MUC4: variants seen among roughly 807,000 people sequenced by gnomAD.
MUC4 encodes mucin-4.
A neutral mutation model predicts 257.9 loss-of-function variants in MUC4; 202 were observed. That is an observed-to-expected ratio of 0.78 (90% CI 0.70 to 0.88). The LOEUF is 0.88. Ranked by LOEUF, MUC4 falls within the 40% of genes least tolerant of loss-of-function variation. The pLI is 0.00. For synonymous variants in MUC4, 2,351 were observed against 2,757.1 expected, an observed-to-expected ratio of 0.85 and a Z score of 4.62; for missense variants, 5,976 against 6,513.7, an observed-to-expected ratio of 0.92 and a Z score of 2.84.
chr3:195,748,209 A>G (rs775383973), intron 24 of MUC4, among the ~76,000 whole-genome samples: 1 of 152,264 alleles, frequency 6.6e-6, no homozygotes, highest in Non-Finnish European at 1.5e-5. Flanking sequence ...TAGACACAGG[A>G]CTGCAGGTTC....
intron 8 of MUC4, among the ~76,000 whole-genome samples, chr3:195,766,094 G>A (rs147884306): frequency 6.2e-4 from 95 of 152,206 alleles, no homozygotes; most frequent in African/African-American, 2.1e-3. Context: ...TTGAGTAGCT[G>A]GAATTACAGG....
At chr3:195,778,253 T>C (rs1178631119) in intron 3 of MUC4, 50 bp downstream of exon 3, 1 of 1,530,798 alleles carries the variant, frequency 6.5e-7, no homozygotes, top group Admixed American at 2.1e-5. Context: ...GAGGGAGCCT[T>C]CAGTTACATC....
At chr3:195,769,242 T>C (rs1314710712) in intron 6 of MUC4, 90 bp from the exon 7 acceptor site, 31 of 1,528,412 alleles carry the variant, frequency 2.0e-5, no homozygotes, top group Non-Finnish European at 2.7e-5. Context: ...ACAGCCCTGC[T>C]CTGACACGCA....
intron 4 of MUC4, 27 bp from the exon 5 acceptor site, chr3:195,771,843 A>C (rs754086228): frequency 2.5e-6 from 4 of 1,607,642 alleles, no homozygotes; most frequent in South Asian, 2.2e-5. Flanking sequence ...TGTGGTCAGC[A>C]TTCAGGGAGG....
chr3:195,762,280 G>A, intron 13 of MUC4, 26 bp from the exon 14 acceptor site: 3 of 1,553,406 alleles, frequency 1.9e-6, no homozygotes, highest in Non-Finnish European at 2.6e-6. Context: ...GCAGCGGAGA[G>A]GAAGCCAGGT....
intron 1 of MUC4, among the ~76,000 whole-genome samples, chr3:195,808,365 G>A (rs1223444934): frequency 1.3e-5 from 2 of 151,978 alleles, no homozygotes; most frequent in Admixed American, 6.6e-5. Context: ...ACAGGCGCTC[G>A]CCACCACGCC....
Position 195,779,257 on chromosome 3 carries a change from C to A in MUC4, c.12323G>T (p.Gly4108Val). 7.3e-7 allele frequency: 1 copy of A among 1,365,278 alleles called. No homozygotes were observed. The highest frequency in any genetic ancestry group is 9.7e-7 in the Non-Finnish European group (1 of 1,025,688). The allele number at this position is 1,365,278 out of a possible 1,614,324, so 84.6% of individuals were successfully genotyped here. A position where few individuals can be genotyped will look rare whatever the true frequency, so the allele number is the denominator to read the frequency against. ...PLTSLSSVST[G>V]DTTPLPVTDT... ...GGTGACAGGAAGAGGCGTGGTGTCA[C>A]CTGTGGATACTGAGGAAAGGCTGGT... is the stretch of plus-strand genomic sequence containing the variant. Residue 4108 changes from glycine to valine, a missense_variant, in exon 2 of 25, where the codon GGT (glycine) becomes GTT (valine). Gly to Val is a moderately radical substitution (Grantham distance 109, BLOSUM62 -3). Around this residue, in one of 44 missense-constraint regions of MUC4, gnomAD observed 293 missense variants for 294.5 expected, o/e 1.00. Transcript: ENST00000463781.
intron 17 of MUC4, among the ~76,000 whole-genome samples, chr3:195,758,184 G>A (rs1204394571): frequency 6.6e-6 from 1 of 152,166 alleles, no homozygotes; most frequent in Non-Finnish European, 1.5e-5. Flanking sequence ...TGGACCCTTT[G>A]AATTAGTGCT....
Position 195,784,458 on chromosome 3 carries a change from A to C in MUC4, c.7122T>G (p.Ser2374=). 1 of 1,379,610 alleles carries C rather than the reference A, an allele frequency of 7.2e-7. No homozygotes were observed. The highest frequency in any genetic ancestry group is 1.6e-5 in the African/African-American group (1 of 63,646). 85.5% of individuals were successfully genotyped at this position (1,379,610 alleles called of 1,614,324 possible). A position where few individuals can be genotyped will look rare whatever the true frequency, so the allele number is the denominator to read the frequency against. The change falls in exon 2 of 25, where the codon TCT becomes TCG. Residue 2374 remains serine, a synonymous_variant. Transcript: ENST00000463781. ...GDTTPLPVTS[S]SSASSGHTTP... ...TGGTGTGACCTGAGGATGCTGAGGA[A>C]GAGCTGGTGACAGGAAGAGGGGTGG...
At position 195,781,049 on chromosome 3, in the gene MUC4, A is replaced by C. The variant is rs768675236; in HGVS notation, c.10531T>G (p.Ser3511Ala). 3 of 1,503,454 alleles carry C rather than the reference A, an allele frequency of 2.0e-6. No individual in the cohort carries two copies. Among genetic ancestry groups the C allele is most frequent in the South Asian group, 2.4e-5 (2 of 82,248 alleles). The allele number at this position is 1,503,454 out of a possible 1,614,324, so 93.1% of individuals were successfully genotyped here. A position where few individuals can be genotyped will look rare whatever the true frequency, so the allele number is the denominator to read the frequency against. ...GTGGCGTGACCGGTGGATGCTGAGGAAGCGCCGGTGACAGGAAGAGTGCTG... is the reference window on the plus strand; with the variant it reads ...GTGGCGTGACCGGTGGATGCTGAGGCAGCGCCGGTGACAGGAAGAGTGCTG... ...DTSTLPVTGA[S>A]SASTGHATPL... The change falls in exon 2 of 25, where the codon TCC becomes GCC. Residue 3511 changes from serine (S) to alanine (A), a missense_variant. This residue lies in a region of MUC4 where 297 missense variants were observed against 240.9 expected (regional missense o/e 1.23). Transcript: ENST00000463781.
At chr3:195,807,538 C>T (rs1028025663) in intron 1 of MUC4, among the ~76,000 whole-genome samples, 1 of 152,088 alleles carries the variant, frequency 6.6e-6, no homozygotes, top group Non-Finnish European at 1.5e-5. Context: ...ATGAAGAAAT[C>T]GTCGATGAGG....
At chr3:195,758,705 G>C (rs1405061988) in intron 17 of MUC4, among the ~76,000 whole-genome samples, 1 of 150,470 alleles carries the variant, frequency 6.6e-6, no homozygotes, top group Non-Finnish European at 1.5e-5. Context: ...TGGGATTACA[G>C]GCATGCACCA....
chr3:195,794,830 A>G (rs55871929), intron 1 of MUC4, among the ~76,000 whole-genome samples: 30,068 of 152,140 alleles, frequency 0.2, 3,486 homozygotes, highest in African/African-American at 0.32. Context: ...AATGGTTATG[A>G]ACCAGCTCTA....
intron 1 of MUC4, among the ~76,000 whole-genome samples, chr3:195,802,620 G>A (rs1365318571): frequency 2.0e-5 from 3 of 152,180 alleles, no homozygotes; most frequent in Admixed American, 2.0e-4. Context: ...ACTGGTGACT[G>A]GCATTGCCAT....
rs1736538059 is a variant in MUC4, at chr3:195,810,302, A to G, written c.82+1434T>C. ...CTCCTCAAATATGCGCCCAAGAAAT[A>G]TTTTCCCTCGGCGACTGTTCTTAGC... On this transcript the variant is annotated intron_variant, in intron 1 of 24. Coordinates refer to ENST00000463781, the MANE Select transcript of MUC4 (RefSeq NM_018406.7). The surrounding 1 kb of genome is among the most constrained non-coding windows in gnomAD (Gnocchi z 4.2). 1 of 151,878 alleles carries G rather than the reference A, an allele frequency of 6.6e-6. No individual in the cohort carries two copies. The highest frequency in any genetic ancestry group is 1.5e-5 in the Non-Finnish European group (1 of 68,020). The allele number at this position is 151,878 out of a possible 1,614,324, so 9.4% of individuals were successfully genotyped here.
intron 7 of MUC4, 32 bp from the exon 8 acceptor site, chr3:195,766,783 C>G: frequency 6.3e-7 from 1 of 1,598,384 alleles, no homozygotes; most frequent in Non-Finnish European, 8.6e-7. Context: ...CAGGCCTCTG[C>G]CGTGCACAGG....
At chr3:195,811,431 C>T (rs1417697248) in intron 1 of MUC4, among the ~76,000 whole-genome samples, 3 of 152,120 alleles carry the variant, frequency 2.0e-5, no homozygotes, top group East Asian at 1.9e-4. Flanking sequence ...CCTTGGCCTC[C>T]GAAAGTGCTG....
intron 24 of MUC4, 91 bp from the exon 25 acceptor site, chr3:195,747,471 G>A: frequency 7.1e-7 from 1 of 1,415,062 alleles, no homozygotes; most frequent in Non-Finnish European, 9.7e-7. Context: ...AGGTTCTGTA[G>A]GAGAGGCTGG....
chr3:195,757,454 G>C lies in MUC4; in HGVS notation c.14987-126C>G. On this transcript the variant is annotated intron_variant, in intron 17 of 24. Coordinates refer to ENST00000463781, the MANE Select transcript of MUC4 (RefSeq NM_018406.7). This position sits in a 1 kb window ranked among gnomAD's most constrained non-coding sequence, Gnocchi z 4.8. ...CCCCCTCCCCAGACAAATCTCATTG[G>C]TCATTTCCTTTGAGCAAGGCTGGTA... is the stretch of plus-strand genomic sequence containing the variant. 1.1e-6 allele frequency: 1 copy of C among 891,086 alleles called. No individual in the cohort carries two copies. The highest frequency in any genetic ancestry group is 1.7e-6 in the Non-Finnish European group (1 of 589,652). 55.2% of individuals were successfully genotyped at this position (891,086 alleles called of 1,614,324 possible).
Sources: gnomAD v4.1 joint callset for allele counts (sites outside exome capture counted in the v4.1 genomes callset) on GRCh38, gnomAD v4.1.1 for gene constraint, gnomAD v4.1.1 regional missense constraint, Gnocchi (gnomAD v3.1) non-coding constraint, MANE v1.5 for transcripts, NCBI Gene and HGNC (gene_info 2026-07-23, HGNC 2026-07-21) for gene names.